The following ROR1 variants were observed in gnomAD, a reference collection of about 807,000 sequenced individuals.
ROR1 encodes the protein ROR family WNT receptor 1.
ROR1 carries 19 observed loss-of-function variants against 78.8 expected under a neutral mutation model. The ratio of observed to expected loss-of-function variants is 0.24; its 90% CI spans 0.17 to 0.35. The LOEUF (loss-of-function observed/expected upper bound fraction) is 0.35, where lower values mean the gene tolerates loss of function less well. Ranked by LOEUF, ROR1 falls within the 10% of genes least tolerant of loss-of-function variation. ROR1 has a pLI of 1.00. For synonymous variants in ROR1, 386 were observed against 433.6 expected (o/e 0.89, Z 1.36); for missense variants, 917 against 1,177.8 (o/e 0.78, Z 3.24).
intron 1 of ROR1, among the ~76,000 whole-genome samples, chr1:63,918,403 A>G (rs1371490320): frequency 6.6e-6 from 1 of 152,186 alleles, no homozygotes; most frequent in Non-Finnish European, 1.5e-5. Context: ...TGTCAAAACC[A>G]GAATTTGAAC....
intron 1 of ROR1, among the ~76,000 whole-genome samples, chr1:64,001,494 A>C (rs1001352608): frequency 2.0e-5 from 3 of 152,210 alleles, no homozygotes; most frequent in Non-Finnish European, 4.4e-5. Context: ...AACAATGTCA[A>C]ATTCCTGGCT....
intron 8 of ROR1, among the ~76,000 whole-genome samples, chr1:64,173,500 A>T (rs1650296227): frequency 6.6e-6 from 1 of 152,188 alleles, no homozygotes; most frequent in African/African-American, 2.4e-5. Context: ...ATTCGGCTTC[A>T]ATCTGGGATT....
intron 1 of ROR1, among the ~76,000 whole-genome samples, chr1:63,998,287 GTT>G (rs773029796): frequency 0.014 from 1,979 of 144,326 alleles, 42 homozygotes; most frequent in African/African-American, 0.048. Context: ...GTAATTTAAG[GTT>G]TTTTTTTTTT....
chr1:64,030,800 T>G (rs1239372860), intron 2 of ROR1, among the ~76,000 whole-genome samples: 3 of 152,184 alleles, frequency 2.0e-5, no homozygotes, highest in African/African-American at 7.2e-5. Context: ...ATTAGAAAAC[T>G]TATATTTAGA....
intron 1 of ROR1, among the ~76,000 whole-genome samples, chr1:63,969,948 T>C (rs1275471199): frequency 1.3e-5 from 2 of 152,180 alleles, no homozygotes; most frequent in Non-Finnish European, 2.9e-5. Context: ...GCCCTCTTTT[T>C]CCTCAAATCT....
intron 1 of ROR1, among the ~76,000 whole-genome samples, chr1:63,841,857 TG>T (rs1339035076): frequency 6.6e-6 from 1 of 152,192 alleles, no homozygotes; most frequent in Non-Finnish European, 1.5e-5. Context: ...CTGATGCTAA[TG>T]ACCCCTATAT....
chr1:64,005,907 T>C (rs11208330), intron 1 of ROR1, among the ~76,000 whole-genome samples: 4,495 of 152,232 alleles, frequency 0.03, 254 homozygotes, highest in African/African-American at 0.1. Flanking sequence ...GATCTTGAAG[T>C]TGAGAACAAA....
intron 2 of ROR1, among the ~76,000 whole-genome samples, chr1:64,043,655 G>C (rs1646761824): frequency 6.6e-6 from 1 of 152,180 alleles, no homozygotes; most frequent in Non-Finnish European, 1.5e-5. Flanking sequence ...CAGGTTATGA[G>C]TGGTGCAAAG....
At chr1:63,776,979 A>G (rs1291980724) in intron 1 of ROR1, among the ~76,000 whole-genome samples, 1 of 152,210 alleles carries the variant, frequency 6.6e-6, no homozygotes, top group Non-Finnish European at 1.5e-5. Context: ...AAGCGGAGAT[A>G]TGTTTCATGT....
intron 1 of ROR1, among the ~76,000 whole-genome samples, chr1:63,895,531 G>A (rs545807416): frequency 2.6e-5 from 4 of 152,160 alleles, no homozygotes; most frequent in African/African-American, 9.6e-5. Flanking sequence ...GGCATGTTTA[G>A]TCTCCCAGAC....
At chr1:64,009,749 C>T (rs781578110) in intron 2 of ROR1, among the ~76,000 whole-genome samples, 37 of 152,120 alleles carry the variant, frequency 2.4e-4, no homozygotes, top group Non-Finnish European at 3.7e-4. Context: ...TGACCTTTCA[C>T]GATGAGCATT....
intron 4 of ROR1, among the ~76,000 whole-genome samples, chr1:64,119,234 T>G (rs1569801766): frequency 6.6e-6 from 1 of 152,286 alleles, no homozygotes; most frequent in East Asian, 1.9e-4. Flanking sequence ...TACTGCCTTT[T>G]TCAGCCCACT....
chr1:63,877,115 C>T (rs985828579), intron 1 of ROR1, among the ~76,000 whole-genome samples: 2 of 152,190 alleles, frequency 1.3e-5, no homozygotes, highest in African/African-American at 2.4e-5. Flanking sequence ...AGAGTTATTT[C>T]CCCTTACATG....
chr1:64,055,968 A>G (rs929420745), intron 4 of ROR1, among the ~76,000 whole-genome samples: 3 of 152,230 alleles, frequency 2.0e-5, no homozygotes, highest in Admixed American at 2.0e-4. Context: ...TTCACTTAGC[A>G]TAAGGATGTT....
intron 1 of ROR1, among the ~76,000 whole-genome samples, chr1:63,808,029 CCTT>C (rs977047928): frequency 3.3e-5 from 5 of 152,100 alleles, no homozygotes; most frequent in African/African-American, 1.2e-4. Flanking sequence ...TTTTCCCTCT[CCTT>C]CTCTCTTTCT....
chr1:64,076,841 A>G (rs1647053763), intron 4 of ROR1, among the ~76,000 whole-genome samples: 1 of 152,234 alleles, frequency 6.6e-6, no homozygotes, highest in African/African-American at 2.4e-5. Flanking sequence ...TGGTTAACAT[A>G]TCTTACAGCA....
intron 1 of ROR1, among the ~76,000 whole-genome samples, chr1:63,899,648 A>T (rs932146448): frequency 6.6e-6 from 1 of 151,996 alleles, no homozygotes; most frequent in East Asian, 1.9e-4. Flanking sequence ...TATAGGTTAC[A>T]TTGGCACCAG....
Position 64,178,898 on chromosome 1 carries a change from C to G in ROR1, c.*43C>G. 3 of 1,419,416 alleles carry G rather than the reference C, an allele frequency of 2.1e-6. No homozygotes were observed. The highest frequency in any genetic ancestry group is 2.9e-6 in the Non-Finnish European group (3 of 1,032,694). The allele number at this position is 1,419,416 out of a possible 1,614,324, so 87.9% of individuals were successfully genotyped here. ...AATGTGGTATACAGGACAAACTAGA[C>G]GGCCGTAGAAAAGATTTATATTCAA... On this transcript the variant is annotated 3_prime_UTR_variant, in exon 9 of 9. Coordinates refer to ENST00000371079, the MANE Select transcript of ROR1 (RefSeq NM_005012.4). This position sits in a 1 kb window ranked among gnomAD's most constrained non-coding sequence, Gnocchi z 4.3.
chr1:63,784,350 T>C (rs1036138338), intron 1 of ROR1, among the ~76,000 whole-genome samples: 4 of 152,136 alleles, frequency 2.6e-5, no homozygotes, highest in African/African-American at 9.7e-5. Context: ...ACTACTTTTG[T>C]TTGGAATTTG....
Sources: gnomAD v4.1 joint callset for allele counts (sites outside exome capture counted in the v4.1 genomes callset) on GRCh38, gnomAD v4.1.1 for gene constraint, Gnocchi (gnomAD v3.1) non-coding constraint, MANE v1.5 for transcripts, NCBI Gene and HGNC (gene_info 2026-07-23, HGNC 2026-07-21) for gene names.